Variants in ADGRE1 observed in about 807,000 individuals in gnomAD.
The protein encoded by ADGRE1 is adhesion G protein-coupled receptor E1, also known as EGF-like module receptor 1.
A neutral mutation model predicts 102.7 loss-of-function variants in ADGRE1; 82 were observed. The ratio of observed to expected loss-of-function variants is 0.80; its 90% CI spans 0.67 to 0.96. The LOEUF (loss-of-function observed/expected upper bound fraction) is 0.96. Ranked by LOEUF, ADGRE1 falls within the 40% of genes least tolerant of loss-of-function variation. ADGRE1 has a pLI of 0.00. For missense variants in ADGRE1, 1,032 were observed against 1,085.3 expected (o/e 0.95, Z 0.69); for synonymous variants, 398 against 399.6 (o/e 1.00, Z 0.05).
intron 14 of ADGRE1, among the ~76,000 whole-genome samples, chr19:6,924,460 T>A (rs1974798687): frequency 6.6e-6 from 1 of 152,098 alleles, no homozygotes; most frequent in Non-Finnish European, 1.5e-5. Context: ...CAGTAATACA[T>A]GGAGTAACGC....
intron 16 of ADGRE1, 148 bp downstream of exon 16, chr19:6,926,749 C>T: frequency 1.3e-6 from 1 of 757,684 alleles, no homozygotes; most frequent in Non-Finnish European, 2.2e-6. Flanking sequence ...GTTTCAGGAC[C>T]ACCATGTACA....
chr19:6,920,497 G>A (rs1197898071), intron 13 of ADGRE1, among the ~76,000 whole-genome samples: 1 of 140,674 alleles, frequency 7.1e-6, no homozygotes, highest in African/African-American at 2.6e-5. Flanking sequence ...GGGATTACAG[G>A]CATGAACCAC....
chr19:6,897,554 A>G lies in ADGRE1; in HGVS notation c.514+7A>G, dbSNP rs753282971. On this transcript the variant is annotated splice_region_variant and intron_variant, in intron 5 of 20. Transcript: ENST00000312053. The stretch of plus-strand genomic sequence containing the variant: ...AGAAACTCCACCTGTGAAGGTATCC[A>G]TGACCATCTCTTTATTATTTACCTA... 3.7e-5 allele frequency: 57 copies of G among 1,538,146 alleles called. No homozygotes were observed. Among genetic ancestry groups the G allele is most frequent in the Non-Finnish European group, 4.7e-5 (54 of 1,148,084 alleles).
Position 6,928,227 on chromosome 19 carries a change from A to G in ADGRE1, c.2289+16A>G, listed in dbSNP as rs79792632. The G allele has an allele frequency of 1.9e-3, 2,991 of 1,614,178 alleles. 61 individuals are homozygous for G. In the African/African-American group the frequency reaches 0.035, roughly 19 times the overall value. On this transcript the variant is annotated intron_variant, in intron 17 of 20. Coordinates refer to ENST00000312053, the MANE Select transcript of ADGRE1 (RefSeq NM_001974.5). ...AGTTATAGTGGTAAGCAAATACTACAACAGCCTGGCGAAGTGTGTTCTGAA... is the reference window on the plus strand; with the variant it reads ...AGTTATAGTGGTAAGCAAATACTACGACAGCCTGGCGAAGTGTGTTCTGAA...
At chr19:6,928,319 T>C in intron 17 of ADGRE1, 108 bp downstream of exon 17, 1 of 1,598,504 alleles carries the variant, frequency 6.3e-7, no homozygotes, top group East Asian at 2.2e-5. Flanking sequence ...GGGTCACTTA[T>C]TCCCATCAAA....
intron 15 of ADGRE1, among the ~76,000 whole-genome samples, chr19:6,925,748 C>T (rs1974877346): frequency 6.6e-6 from 1 of 151,954 alleles, no homozygotes. Flanking sequence ...GTCACCCAGG[C>T]TAGAGTGCAG....
chr19:6,938,778 TTTC>T, intron 20 of ADGRE1, among the ~76,000 whole-genome samples: 1 of 11,558 alleles, frequency 8.7e-5, no homozygotes, highest in Admixed American at 9.5e-4. Context: ...TTCTTTTTTC[TTTC>T]TTTCTTTCTT....
chr19:6,927,448 A>C (rs1277826429), intron 16 of ADGRE1, among the ~76,000 whole-genome samples: 1 of 151,970 alleles, frequency 6.6e-6, no homozygotes, highest in Non-Finnish European at 1.5e-5. Context: ...ATTCTCATGA[A>C]ACTCATAGTC....
intron 18 of ADGRE1, 99 bp downstream of exon 18, chr19:6,935,177 A>C: frequency 1.2e-6 from 1 of 814,128 alleles, no homozygotes; most frequent in South Asian, 2.1e-5. Context: ...CCTATGCCTG[A>C]GACAGAGGTG....
intron 13 of ADGRE1, among the ~76,000 whole-genome samples, chr19:6,921,209 A>C (rs968125121): frequency 2.0e-5 from 3 of 152,174 alleles, no homozygotes; most frequent in African/African-American, 7.2e-5. Flanking sequence ...ATCACTTGAC[A>C]TCAGGAGTTC....
rs1165723401 is a variant in ADGRE1, at chr19:6,903,907, C to A, written c.759C>A (p.Ser253Arg). 7 of 1,614,092 alleles carry A rather than the reference C, an allele frequency of 4.3e-6. No individual in the cohort carries two copies. The highest frequency in any genetic ancestry group is 4.5e-5 in the East Asian group (2 of 44,896). ...FCTCHPGFAP[S>R]NGQLNFTDQG... ...CCTGCCACCCTGGCTTTGCACCAAG[C>A]AATGGACAGTTGAATTTCACAGACC... Residue 253 changes from serine (S) to arginine (R), a missense_variant, in exon 7 of 21, where the codon AGC becomes AGA. By Grantham distance (110) the Ser-to-Arg change is moderately radical (BLOSUM62 -1). Coordinates refer to ENST00000312053, the MANE Select transcript of ADGRE1 (RefSeq NM_001974.5).
Position 6,913,657 on chromosome 19 carries a change from C to T in ADGRE1, c.1127C>T (p.Thr376Ile). 1 of 1,594,184 alleles carries T rather than the reference C, an allele frequency of 6.3e-7. No homozygotes were observed. Among genetic ancestry groups the T allele is most frequent in the Non-Finnish European group, 8.6e-7 (1 of 1,168,730 alleles). ...NKTTVVSLKN[T>I]TESFVPVLKQ... The stretch of plus-strand genomic sequence containing the variant: ...CAAACACATCTTTCCTTGCAGAATA[C>T]AACTGAGAGCTTTGTCCCTGTGCTT... Residue 376 changes from threonine to isoleucine, a missense_variant, in exon 11 of 21, where the codon ACA becomes ATA. Physicochemically the swap from Thr to Ile is moderately conservative, Grantham distance 89. Transcript: ENST00000312053.
intron 10 of ADGRE1, among the ~76,000 whole-genome samples, chr19:6,912,492 G>A (rs901931298): frequency 1.6e-4 from 25 of 152,150 alleles, no homozygotes; most frequent in Admixed American, 1.1e-3. Context: ...TACCTGGCTC[G>A]TAATAAGTGT....
chr19:6,924,625 TG>T (rs61084703), intron 14 of ADGRE1, 52 bp from the exon 15 acceptor site: 2 of 1,547,084 alleles, frequency 1.3e-6, no homozygotes, highest in African/African-American at 1.4e-5. Context: ...TCTTCCCGCC[TG>T]GGGGGATTTT....
At chr19:6,929,531 T>C (rs76361618) in intron 17 of ADGRE1, among the ~76,000 whole-genome samples, 2 of 147,426 alleles carry the variant, frequency 1.4e-5, no homozygotes, top group African/African-American at 2.6e-5. Flanking sequence ...ATTTTTTTTT[T>C]CTTTTTTTTT....
chr19:6,914,362 T>G (rs1974303491), intron 11 of ADGRE1, among the ~76,000 whole-genome samples: 1 of 152,220 alleles, frequency 6.6e-6, no homozygotes, highest in Non-Finnish European at 1.5e-5. Context: ...CAATTTACAA[T>G]AGACCCAAAG....
Position 6,917,847 on chromosome 19 carries a change from A to T in ADGRE1, c.1420+1479A>T, listed in dbSNP as rs78275163. Among the ~76,000 whole-genome samples, 8 of 151,952 alleles carry T rather than the reference A, an allele frequency of 5.3e-5. No individual in the cohort carries two copies. The East Asian group carries it at 1.5e-3, about 29-fold the overall frequency. On this transcript the variant is annotated intron_variant, in intron 12 of 20. Coordinates refer to ENST00000312053, the MANE Select transcript of ADGRE1 (RefSeq NM_001974.5). ...GGAAAGTTCTGTATACAGCAGGATG[A>T]TCTGATTATGTCTTCCAGATAGATG...
chr19:6,889,164 G>A (rs1010683025), intron 1 of ADGRE1, among the ~76,000 whole-genome samples: 1 of 151,206 alleles, frequency 6.6e-6, no homozygotes, highest in African/African-American at 2.4e-5. Context: ...GGTGATGATG[G>A]TGTGATAATG....
In ADGRE1 at chr19:6,912,963, C is replaced by T. The variant is rs116380438; in HGVS notation, c.1123-690C>T. ...CTTTCTTGCTTTCTTTTGACAAGAT[C>T]TCACTCTGTCACCCAAGCTGGAGTG... On this transcript the variant is annotated intron_variant, in intron 10 of 20. Coordinates refer to ENST00000312053, the MANE Select transcript of ADGRE1 (RefSeq NM_001974.5). Among the ~76,000 whole-genome samples the T allele has an allele frequency of 8.7e-3, 1,332 of 152,282 alleles. 18 individuals are homozygous for T. Among genetic ancestry groups the T allele is most frequent in the African/African-American group, 0.03 (1,235 of 41,532 alleles).
Sources: allele counts gnomAD v4.1 joint callset (sites outside exome capture counted in the v4.1 genomes callset), GRCh38; gene constraint gnomAD v4.1.1; transcripts MANE v1.5; gene names NCBI Gene and HGNC (gene_info 2026-07-23, HGNC 2026-07-21).